LINC00305: variants seen among roughly 807,000 people sequenced by gnomAD.
The protein encoded by LINC00305 is long independently transcribed non-coding RNA 305, also known as long intergenic non-protein coding RNA 305.
At chr18:64,104,818 C>T (rs1276445525) in intron 1 of LINC00305, among the ~76,000 whole-genome samples, 1 of 151,986 alleles carries the variant, frequency 6.6e-6, no homozygotes, top group Non-Finnish European at 1.5e-5. Flanking sequence ...ACCTTATGTC[C>T]GTTTCTCCTG....
intron 3 of LINC00305, among the ~76,000 whole-genome samples, chr18:64,094,425 C>A (rs1412085112): frequency 6.6e-6 from 1 of 152,158 alleles, no homozygotes; most frequent in Admixed American, 6.5e-5. Context: ...GAGCACAACA[C>A]CCTCAGAAGC....
intron 1 of LINC00305, among the ~76,000 whole-genome samples, chr18:64,099,616 G>A (rs1056019900): frequency 1.3e-5 from 2 of 152,140 alleles, no homozygotes; most frequent in African/African-American, 4.8e-5. Context: ...TCTTTTTCCT[G>A]TAGTAGGATT....
At chr18:64,146,662 T>G (rs2051499765) in intron 1 of LINC00305, among the ~76,000 whole-genome samples, 1 of 152,210 alleles carries the variant, frequency 6.6e-6, no homozygotes, top group Admixed American at 6.5e-5. Flanking sequence ...TCTGTTAAAG[T>G]ATCCACTAAT....
intron 1 of LINC00305, among the ~76,000 whole-genome samples, chr18:64,108,186 G>A (rs1035516662): frequency 3.3e-5 from 5 of 152,184 alleles, no homozygotes; most frequent in African/African-American, 1.2e-4. Context: ...ACAAATTGAA[G>A]AAGCAACATA....
chr18:64,111,890 A>G (rs1464110015), intron 1 of LINC00305, among the ~76,000 whole-genome samples: 3 of 152,254 alleles, frequency 2.0e-5, no homozygotes, highest in East Asian at 1.9e-4. Context: ...GGGAACAGTA[A>G]TGTATGCAAA....
chr18:64,137,540 T>C (rs889727214), intron 1 of LINC00305, among the ~76,000 whole-genome samples: 1 of 152,240 alleles, frequency 6.6e-6, no homozygotes, highest in African/African-American at 2.4e-5. Context: ...ACAGATATCA[T>C]ATGTCAGAGG....
chr18:64,106,506 T>G (rs1475175758), intron 1 of LINC00305, among the ~76,000 whole-genome samples: 1 of 152,216 alleles, frequency 6.6e-6, no homozygotes, highest in Non-Finnish European at 1.5e-5. Context: ...CATTCCTCTT[T>G]CTGTCATTTA....
intron 1 of LINC00305, among the ~76,000 whole-genome samples, chr18:64,119,347 T>C (rs1397329156): frequency 6.6e-6 from 1 of 152,138 alleles, no homozygotes; most frequent in African/African-American, 2.4e-5. Context: ...AGTGATTAAA[T>C]AGAAATTCTG....
rs541569821 is a variant in LINC00305 at position 64,140,791 on chromosome 18, T to C, written n.314+7984A>G. Among the ~76,000 whole-genome samples, 127 of 152,154 alleles carry C rather than the reference T, an allele frequency of 8.3e-4. 1 individual carries two copies. The highest frequency in any genetic ancestry group is 1.3e-3 in the Non-Finnish European group (90 of 68,012). ...GGGAGATTATTTTTTCTTATCTGGG[T>C]GTGCCTGATATAATCAAATGGGCTT... On this transcript the variant is annotated intron_variant and non_coding_transcript_variant, in intron 1 of 3. Transcript: ENST00000666468.
intron 1 of LINC00305, among the ~76,000 whole-genome samples, chr18:64,122,130 G>A (rs1245418272): frequency 6.6e-6 from 1 of 152,108 alleles, no homozygotes; most frequent in African/African-American, 2.4e-5. Flanking sequence ...CTCCCATTCT[G>A]TAGATTGTCT....
chr18:64,118,473 A>T (rs537388889), intron 1 of LINC00305, among the ~76,000 whole-genome samples: 1 of 152,108 alleles, frequency 6.6e-6, no homozygotes, highest in Admixed American at 6.6e-5. Context: ...TATACATTAT[A>T]TGGATATAAA....
At position 64,108,330 on chromosome 18, in the gene LINC00305, T is replaced by G. The variant is rs545848115; in HGVS notation, n.315-9690A>C. ...GGAAAATGAGAGAGAAGGGGAATCA[T>G]AAAAGAAAGAAGTGCAACACATGAG... On this transcript the variant is annotated intron_variant and non_coding_transcript_variant, in intron 1 of 3. Coordinates refer to ENST00000666468, the Ensembl canonical transcript of LINC00305. Among the ~76,000 whole-genome samples the G allele has an allele frequency of 2.2e-4, 33 of 152,198 alleles. No homozygotes were observed. The Middle Eastern group carries it at 0.01, about 47-fold the overall frequency.
At chr18:64,105,593 C>T (rs1458831675) in intron 1 of LINC00305, among the ~76,000 whole-genome samples, 6 of 152,022 alleles carry the variant, frequency 3.9e-5, no homozygotes, top group East Asian at 1.9e-4. Flanking sequence ...CGTGTGTGTA[C>T]GTGTGTGTAG....
At chr18:64,094,778 G>A (rs1368838818) in intron 3 of LINC00305, among the ~76,000 whole-genome samples, 3 of 151,976 alleles carry the variant, frequency 2.0e-5, no homozygotes, top group Admixed American at 6.6e-5. Flanking sequence ...CAGGAGAATC[G>A]CTTGAATCCA....
At chr18:64,082,533 G>A (rs1048828345) in intron 3 of LINC00305, among the ~76,000 whole-genome samples, 4 of 152,120 alleles carry the variant, frequency 2.6e-5, no homozygotes, top group African/African-American at 9.7e-5. Flanking sequence ...GCTCTATCTG[G>A]GCAGTGGGCA....
At chr18:64,137,260 T>C (rs562452509) in intron 1 of LINC00305, among the ~76,000 whole-genome samples, 50 of 152,144 alleles carry the variant, frequency 3.3e-4, no homozygotes, top group Admixed American at 1.4e-3. Context: ...CAAAGAAGGA[T>C]CTTTCGCTAG....
intron 1 of LINC00305, among the ~76,000 whole-genome samples, chr18:64,101,125 G>T (rs948958912): frequency 7.2e-5 from 11 of 152,066 alleles, no homozygotes; most frequent in Admixed American, 7.2e-4. Context: ...TCTCATGGTG[G>T]GTTTGTATTT....
chr18:64,141,436 C>A (rs567043417), intron 1 of LINC00305, among the ~76,000 whole-genome samples: 2 of 152,014 alleles, frequency 1.3e-5, no homozygotes, highest in Non-Finnish European at 2.9e-5. Context: ...CTGTTGAAAA[C>A]GAGCATGAAT....
At chr18:64,083,485 C>T (rs909583722) in intron 3 of LINC00305, among the ~76,000 whole-genome samples, 3 of 152,174 alleles carry the variant, frequency 2.0e-5, no homozygotes, top group Non-Finnish European at 4.4e-5. Context: ...ATACACTGTA[C>T]GTGCTATTAA....
Sources: allele counts gnomAD v4.1 joint callset (sites outside exome capture counted in the v4.1 genomes callset), GRCh38; gene constraint gnomAD v4.1.1; transcripts MANE v1.5; gene names NCBI Gene and HGNC (gene_info 2026-07-23, HGNC 2026-07-21).